The following ZNF57 variants were observed in gnomAD, a reference collection of about 807,000 sequenced individuals.
ZNF57 encodes the protein zinc finger protein 57.
A neutral mutation model predicts 13.4 loss-of-function variants in ZNF57; 11 were observed. The ratio of observed to expected loss-of-function variants is 0.82; its 90% CI spans 0.52 to 1.36. ZNF57 has a LOEUF of 1.36. ZNF57 is among the 40% of genes most tolerant of loss of function. The pLI is 0.00. For synonymous variants in ZNF57, 224 were observed against 238.5 expected (o/e 0.94, Z 0.56); for missense variants, 696 against 667.5 (o/e 1.04, Z -0.47).
chr19:2,913,589 T>A (rs1474143604), intron 1 of ZNF57, among the ~76,000 whole-genome samples: 3 of 152,334 alleles, frequency 2.0e-5, no homozygotes, highest in African/African-American at 4.8e-5. Flanking sequence ...TATTAGTGAA[T>A]TTGCCAAATT....
At position 2,917,180 on chromosome 19, in the gene ZNF57, G is replaced by A. The variant is rs61742111; in HGVS notation, c.559G>A (p.Gly187Arg). Residue 187 changes from glycine (G) to arginine (R), a missense_variant, in exon 4 of 4, where the codon GGA becomes AGA. This residue lies in a region of ZNF57 where 645 missense variants were observed against 591.5 expected (regional missense o/e 1.09). Coordinates refer to ENST00000306908, the MANE Select transcript of ZNF57 (RefSeq NM_173480.3). ...TTGTCCCTCACACCTACACAGTCAC[G>A]GAAGAACTGACACTGAGGAGAAGCC... ...CICPSHLHSH[G>R]RTDTEEKPYK... The A allele has an allele frequency of 0.023, 37,230 of 1,614,190 alleles. 823 individuals are homozygous for A. Among genetic ancestry groups the A allele is most frequent in the Middle Eastern group, 0.1 (623 of 6,062 alleles).
chr19:2,917,741 A>G lies in ZNF57; in HGVS notation c.1120A>G (p.Thr374Ala). 1 of 1,613,838 alleles carries G rather than the reference A, an allele frequency of 6.2e-7. No homozygotes were observed. Among genetic ancestry groups the G allele is most frequent in the Non-Finnish European group, 8.5e-7 (1 of 1,179,940 alleles). ...YECKQCGKAF[T>A]WSSTFREHVR... ...GTGTAAACAATGTGGGAAAGCCTTCACTTGGTCCTCAACGTTTAGAGAACA... is the reference window on the plus strand; with the variant it reads ...GTGTAAACAATGTGGGAAAGCCTTCGCTTGGTCCTCAACGTTTAGAGAACA... Residue 374 changes from threonine (T) to alanine (A), a missense_variant, in exon 4 of 4, where the codon ACT (threonine) becomes GCT (alanine). This residue lies in a region of ZNF57 where 645 missense variants were observed against 591.5 expected (regional missense o/e 1.09). Transcript: ENST00000306908.
chr19:2,901,112 A>G, intron 1 of ZNF57, 64 bp downstream of exon 1: 1 of 1,407,614 alleles, frequency 7.1e-7, no homozygotes, highest in South Asian at 1.3e-5. Flanking sequence ...CTGGAACCAG[A>G]GTCCGCCGAA....
intron 3 of ZNF57, chr19:2,916,535 A>G (rs1453959664): frequency 3.8e-6 from 1 of 262,688 alleles, no homozygotes; most frequent in Non-Finnish European, 7.2e-6. Context: ...ACATGGTGAA[A>G]ACCCGCCTCT....
intron 1 of ZNF57, among the ~76,000 whole-genome samples, 156 bp downstream of exon 1, chr19:2,901,204 CG>C (rs1444604351): frequency 2.2e-5 from 3 of 135,118 alleles, no homozygotes; most frequent in Non-Finnish European, 4.7e-5. Context: ...TCACAGCGGC[CG>C]GGCTGGAGGA....
At chr19:2,905,018 A>G (rs894558082) in intron 1 of ZNF57, among the ~76,000 whole-genome samples, 1 of 152,136 alleles carries the variant, frequency 6.6e-6, no homozygotes, top group Non-Finnish European at 1.5e-5. Flanking sequence ...CATAGATAGC[A>G]TCTCTCCTTG....
rs746205510 is a variant in ZNF57, at chr19:2,908,036, T to C, written c.3+6988T>C. ...GCCCCAATCAAGATTTGTTTCTCCA[T>C]TGAAATCCTTTACTAGCCTTAAGTA... On this transcript the variant is annotated intron_variant, in intron 1 of 3. Transcript: ENST00000306908. 5.0e-4 allele frequency among the ~76,000 whole-genome samples: 76 copies of C among 152,230 alleles called. 1 individual carries two copies. The highest frequency in any genetic ancestry group is 1.6e-3 in the African/African-American group (65 of 41,458).
At chr19:2,904,624 C>G (rs2088057765) in intron 1 of ZNF57, among the ~76,000 whole-genome samples, 1 of 152,194 alleles carries the variant, frequency 6.6e-6, no homozygotes, top group Non-Finnish European at 1.5e-5. Context: ...TCACTGCAAC[C>G]TCCACCTCCC....
intron 1 of ZNF57, chr19:2,912,218 A>G (rs1426022705): frequency 6.6e-6 from 1 of 152,218 alleles, no homozygotes; most frequent in Non-Finnish European, 1.5e-5. Flanking sequence ...TGGCGGGACA[A>G]GATGAATAGA....
intron 1 of ZNF57, 186 bp from the exon 2 acceptor site, chr19:2,915,336 C>T (rs907991206): frequency 1.3e-5 from 9 of 692,106 alleles, no homozygotes; most frequent in Non-Finnish European, 2.1e-5. Context: ...GAGATAAGTT[C>T]AGACTGATAG....
intron 1 of ZNF57, among the ~76,000 whole-genome samples, chr19:2,913,696 C>T (rs916992321): frequency 9.2e-5 from 7 of 76,296 alleles, no homozygotes; most frequent in African/African-American, 2.1e-4. Flanking sequence ...CTAACTCTCA[C>T]TCTGTCAGTG....
intron 1 of ZNF57, among the ~76,000 whole-genome samples, chr19:2,908,483 C>T (rs575087550): frequency 1.8e-4 from 16 of 86,748 alleles, no homozygotes; most frequent in Non-Finnish European, 3.0e-4. Flanking sequence ...TTTTTTGAGA[C>T]GGAGTCTTGC....
chr19:2,916,865 C>T (rs1275649012), intron 3 of ZNF57, 59 bp from the exon 4 acceptor site: 1 of 1,377,054 alleles, frequency 7.3e-7, no homozygotes, highest in South Asian at 1.4e-5. Flanking sequence ...CTTGTTAATA[C>T]ATCTCAACAC....
Position 2,909,518 on chromosome 19 carries a change from C to T in ZNF57, c.4-6004C>T, listed in dbSNP as rs1231870697. Among the ~76,000 whole-genome samples, 3 of 49,452 alleles carry T rather than the reference C, an allele frequency of 6.1e-5. 1 individual carries two copies. Among genetic ancestry groups the T allele is most frequent in the Admixed American group, 2.3e-4 (1 of 4,292 alleles). 32.4% of individuals were successfully genotyped at this position (49,452 alleles called of 152,430 possible). ...GATAGTCTTGACGTCGTGATCCGCA[C>T]GCCTCGGCCTCCCAAAGTGCTAGGA... On this transcript the variant is annotated intron_variant, in intron 1 of 3. Coordinates refer to ENST00000306908, the MANE Select transcript of ZNF57 (RefSeq NM_173480.3).
At chr19:2,916,855 C>A in intron 3 of ZNF57, 69 bp from the exon 4 acceptor site, 1 of 1,308,178 alleles carries the variant, frequency 7.6e-7, no homozygotes, top group Non-Finnish European at 1.0e-6. Flanking sequence ...ATTTCTAATA[C>A]TTGTTAATAC....
chr19:2,909,285 T>TG (rs1476961773), intron 1 of ZNF57, among the ~76,000 whole-genome samples: 42 of 129,732 alleles, frequency 3.2e-4, no homozygotes, highest in African/African-American at 1.1e-3. Flanking sequence ...ATTTTTGTTT[T>TG]TTTTTTTTTT....
intron 1 of ZNF57, among the ~76,000 whole-genome samples, chr19:2,902,719 C>T (rs777986492): frequency 6.6e-5 from 10 of 152,124 alleles, no homozygotes; most frequent in Non-Finnish European, 1.3e-4. Flanking sequence ...GTGTTCCATT[C>T]TGGTTAGTTT....
rs2088211409 is a variant in ZNF57 at position 2,917,231 on chromosome 19, A to G, written c.610A>G (p.Thr204Ala). 3.1e-6 allele frequency: 5 copies of G among 1,614,200 alleles called. No homozygotes were observed. Among genetic ancestry groups the G allele is most frequent in the Non-Finnish European group, 4.2e-6 (5 of 1,180,042 alleles). Reference protein sequence around the residue: ...KPYKCQACGQTFQHPRYLSHH... With the variant: ...KPYKCQACGQAFQHPRYLSHH... ...GTATAAGTGTCAAGCATGTGGGCAA[A>G]CTTTCCAACATCCTCGTTACCTCTC... is the stretch of plus-strand genomic sequence containing the variant. The change falls in exon 4 of 4, where the codon ACT becomes GCT. Residue 204 changes from threonine to alanine, a missense_variant. Around this residue, in one of 3 missense-constraint regions of ZNF57, gnomAD observed 645 missense variants for 591.5 expected, o/e 1.09. Transcript: ENST00000306908.
In ZNF57 at chr19:2,917,014, G is replaced by GA. The variant is rs1480570047; in HGVS notation, c.396dup (p.Val133SerfsTer9). On this transcript the variant is annotated frameshift_variant, in exon 4 of 4. Transcript: ENST00000306908. LOFTEE classifies it low-confidence loss of function (END_TRUNC). ...AAATGCCAGATCTTACCCTGCACAA[G>GA]AAAGTTTCTGCTGGAGAAAAACCAT... is the stretch of plus-strand genomic sequence containing the variant. The GA allele has an allele frequency of 6.2e-7, 1 of 1,614,030 alleles. No homozygotes were observed. Among genetic ancestry groups the GA allele is most frequent in the Admixed American group, 1.7e-5 (1 of 59,988 alleles).
Sources: allele counts gnomAD v4.1 joint callset (sites outside exome capture counted in the v4.1 genomes callset), GRCh38; gene constraint gnomAD v4.1.1; regional missense constraint gnomAD v4.1.1; transcripts MANE v1.5; gene names NCBI Gene and HGNC (gene_info 2026-07-23, HGNC 2026-07-21).